The following CADM2 variants were observed in gnomAD, a reference collection of about 807,000 sequenced individuals.
CADM2 encodes cell adhesion molecule 2, also known as immunoglobulin superfamily member 4D.
A neutral mutation model predicts 49.8 loss-of-function variants in CADM2; 12 were observed. The observed-to-expected ratio is 0.24, with a 90% CI of 0.15 to 0.39. The LOEUF (loss-of-function observed/expected upper bound fraction) is 0.39. Among genes scored for constraint, CADM2 ranks in the 10% least tolerant of loss-of-function variants. The probability of loss-of-function intolerance (pLI) is 1.00; values close to 1 mark genes in which losing one functional copy is unlikely to be tolerated. For missense variants in CADM2, 378 were observed against 492.3 expected (o/e 0.77, Z 2.20); for synonymous variants, 214 against 175.4 (o/e 1.22, Z -1.74).
chr3:85,923,118 C>G (rs914930340), intron 6 of CADM2, among the ~76,000 whole-genome samples: 1 of 152,012 alleles, frequency 6.6e-6, no homozygotes, highest in Non-Finnish European at 1.5e-5. Context: ...CCACCGCGCC[C>G]GGCCGAAACT....
At chr3:85,193,853 A>G (rs1009411926) in intron 1 of CADM2, among the ~76,000 whole-genome samples, 1 of 152,132 alleles carries the variant, frequency 6.6e-6, no homozygotes, top group Non-Finnish European at 1.5e-5. Flanking sequence ...CTGAAAACCT[A>G]AAACATGCCA....
At chr3:85,908,395 G>A (rs1158177862) in intron 5 of CADM2, among the ~76,000 whole-genome samples, 3 of 150,314 alleles carry the variant, frequency 2.0e-5, no homozygotes, top group Admixed American at 6.7e-5. Context: ...CTAATCTCCT[G>A]AATATAAGGA....
chr3:85,317,420 T>G (rs751510566), intron 1 of CADM2, among the ~76,000 whole-genome samples: 1 of 152,130 alleles, frequency 6.6e-6, no homozygotes, highest in Non-Finnish European at 1.5e-5. Flanking sequence ...GTAGACTATA[T>G]AAGGGAAGTA....
chr3:85,808,493 A>C (rs959232997), intron 3 of CADM2, among the ~76,000 whole-genome samples: 2 of 152,136 alleles, frequency 1.3e-5, no homozygotes, highest in African/African-American at 4.8e-5. Context: ...GCAGGTGCAG[A>C]AGGAAAAAAA....
At chr3:85,155,815 T>C (rs974560839) in intron 1 of CADM2, among the ~76,000 whole-genome samples, 13 of 152,088 alleles carry the variant, frequency 8.5e-5, no homozygotes, top group East Asian at 1.9e-4. Flanking sequence ...TACATGGTAA[T>C]TGAACAACCT....
At chr3:85,224,566 A>G (rs1431479877) in intron 1 of CADM2, among the ~76,000 whole-genome samples, 1 of 152,094 alleles carries the variant, frequency 6.6e-6, no homozygotes, top group Non-Finnish European at 1.5e-5. Flanking sequence ...GTTCACTCTG[A>G]TGATAGTTTC....
intron 8 of CADM2, among the ~76,000 whole-genome samples, chr3:85,997,627 G>T (rs1729588282): frequency 6.6e-6 from 1 of 152,112 alleles, no homozygotes; most frequent in South Asian, 2.1e-4. Context: ...ATGAATTTTA[G>T]ATTTCATTGG....
At chr3:85,535,377 C>CCTA (rs2061402210) in intron 1 of CADM2, among the ~76,000 whole-genome samples, 2 of 151,992 alleles carry the variant, frequency 1.3e-5, no homozygotes, top group African/African-American at 4.8e-5. Context: ...CTCCATGGGC[C>CCTA]CTAAGTAACA....
intron 8 of CADM2, among the ~76,000 whole-genome samples, chr3:86,034,093 A>C (rs549591262): frequency 6.6e-6 from 1 of 151,968 alleles, no homozygotes; most frequent in East Asian, 1.9e-4. Flanking sequence ...AAAAATAATT[A>C]GAACCACCAT....
Position 85,034,790 on chromosome 3 carries a change from C to CTTTTTTTTTTTTTTTTTTTTT in CADM2, c.61+75126_61+75146dup, listed in dbSNP as rs1179967499. ...TATCTTTTAGATAAAAGACATTTTG[C>CTTTTTTTTTTTTTTTTTTTTT]TTTTTTTTTTTTTTTTTTTTTTTTA... is the stretch of plus-strand genomic sequence containing the variant. On this transcript the variant is annotated intron_variant, in intron 1 of 9. Transcript: ENST00000383699. 2.6e-4 allele frequency among the ~76,000 whole-genome samples: 22 copies of CTTTTTTTTTTTTTTTTTTTTT among 84,056 alleles called. 2 individuals carry two copies. The highest frequency in any genetic ancestry group is 3.8e-4 in the African/African-American group (7 of 18,500). The allele number at this position is 84,056 out of a possible 152,430, so 55.1% of individuals were successfully genotyped here.
At chr3:85,062,307 C>T (rs1048755143) in intron 1 of CADM2, among the ~76,000 whole-genome samples, 11 of 152,032 alleles carry the variant, frequency 7.2e-5, no homozygotes, top group South Asian at 4.2e-4. Context: ...CATGGTAGTC[C>T]TAAACAAATC....
chr3:85,248,001 TTCA>T (rs1406038092), intron 1 of CADM2, among the ~76,000 whole-genome samples: 2 of 152,178 alleles, frequency 1.3e-5, no homozygotes, highest in African/African-American at 2.4e-5. Flanking sequence ...GTTACAAAAA[TTCA>T]TCATCTTCTT....
In CADM2 at chr3:85,145,212, A is replaced by G. The variant is rs73843300; in HGVS notation, c.61+185544A>G. On this transcript the variant is annotated intron_variant, in intron 1 of 9. Coordinates refer to ENST00000383699, the MANE Select transcript of CADM2 (RefSeq NM_001167675.2). ...ATTTGTTCACCTACTGTGGGGAAGA[A>G]AATCACACTAAAATGACCACATTTA... Among the ~76,000 whole-genome samples the G allele has an allele frequency of 3.0e-3, 452 of 152,340 alleles. 1 individual carries two copies. The highest frequency in any genetic ancestry group is 9.5e-3 in the African/African-American group (396 of 41,578).
intron 1 of CADM2, among the ~76,000 whole-genome samples, chr3:85,190,664 G>A (rs923210827): frequency 1.3e-5 from 2 of 152,084 alleles, no homozygotes; most frequent in African/African-American, 4.8e-5. Context: ...AGATAATAAG[G>A]AGCAGTAGAA....
intron 1 of CADM2, among the ~76,000 whole-genome samples, chr3:85,565,890 T>G (rs896725125): frequency 3.3e-5 from 5 of 152,060 alleles, no homozygotes; most frequent in African/African-American, 1.2e-4. Flanking sequence ...TACACTTTTT[T>G]TTTTGTTTAA....
chr3:85,243,293 G>A (rs375544769), intron 1 of CADM2, among the ~76,000 whole-genome samples: 8 of 151,496 alleles, frequency 5.3e-5, no homozygotes, highest in African/African-American at 1.5e-4. Context: ...TCTAAGTATC[G>A]TTCAATGAAA....
intron 1 of CADM2, among the ~76,000 whole-genome samples, chr3:85,160,453 C>G (rs1271020578): frequency 6.6e-6 from 1 of 152,134 alleles, no homozygotes; most frequent in Admixed American, 6.6e-5. Context: ...AACGCATGCA[C>G]ACACTCAGTC....
intron 5 of CADM2, among the ~76,000 whole-genome samples, chr3:85,895,596 C>A (rs773514183): frequency 6.6e-6 from 1 of 152,100 alleles, no homozygotes; most frequent in African/African-American, 2.4e-5. Flanking sequence ...GATGTGGGGG[C>A]AATCTGTGTC....
At chr3:85,396,130 C>T (rs1303871424) in intron 1 of CADM2, among the ~76,000 whole-genome samples, 2 of 151,294 alleles carry the variant, frequency 1.3e-5, no homozygotes, top group East Asian at 1.9e-4. Flanking sequence ...TTTCCTTACC[C>T]GACTGAAGAT....
Sources: allele counts gnomAD v4.1 joint callset (sites outside exome capture counted in the v4.1 genomes callset), GRCh38; gene constraint gnomAD v4.1.1; transcripts MANE v1.5; gene names NCBI Gene and HGNC (gene_info 2026-07-23, HGNC 2026-07-21).